LAG3: variants seen among roughly 807,000 people sequenced by gnomAD.
LAG3 encodes the protein lymphocyte activating 3, also known as lymphocyte activation gene 3 protein.
In LAG3, 29 loss-of-function variants were observed where a neutral mutation model predicts 49.0. That is an observed-to-expected ratio of 0.59 (90% CI 0.44 to 0.81). The LOEUF is 0.81. LAG3 is among the 30% of genes least tolerant of loss of function. The probability of loss-of-function intolerance (pLI) is 0.00; values close to 1 mark genes in which losing one functional copy is unlikely to be tolerated. For synonymous variants in LAG3, 320 were observed against 297.3 expected (o/e 1.08, Z -0.79); for missense variants, 693 against 695.2 (o/e 1.00, Z 0.04).
chr12:6,777,944 C>T (rs765374098), intron 7 of LAG3, 23 bp downstream of exon 7: 1 of 1,611,538 alleles, frequency 6.2e-7, no homozygotes, highest in African/African-American at 1.3e-5. Flanking sequence ...CATGGCAACC[C>T]CGCCCCCCAG....
rs758807510 is a variant in LAG3, at chr12:6,774,704, C to T, written c.621C>T (p.Gly207=). The change falls in exon 4 of 8, where the codon GGC becomes GGT. Residue 207 remains glycine (G), a synonymous_variant. Transcript: ENST00000203629. The part of the protein sequence containing the change: ...PASVHWFRNR[G]QGRVPVRESP... ...CTGTGCATTGGTTCCGGAACCGGGG[C>T]CAGGGCCGAGTCCCTGTCCGGGAGT... 27 of 1,614,072 alleles carry T rather than the reference C, an allele frequency of 1.7e-5. No homozygotes were observed. Among genetic ancestry groups the T allele is most frequent in the Non-Finnish European group, 8.5e-6 (10 of 1,180,032 alleles).
At position 6,772,811 on chromosome 12, in the gene LAG3, C is replaced by G. The variant is rs764979142; in HGVS notation, c.-42C>G. On this transcript the variant is annotated 5_prime_UTR_variant, in exon 1 of 8. Transcript: ENST00000203629. ...ACCACTGCCCCCTTTCCTTTTCTGA[C>G]CTCCTTTTGGAGGGCTCAGCGCTGC... 6.2e-6 allele frequency: 8 copies of G among 1,298,116 alleles called. No homozygotes were observed. The highest frequency in any genetic ancestry group is 1.1e-6 in the Non-Finnish European group (1 of 940,046). The allele number at this position is 1,298,116 out of a possible 1,614,324, so 80.4% of individuals were successfully genotyped here. A position where few individuals can be genotyped will look rare whatever the true frequency, so the allele number is the denominator to read the frequency against.
rs745318168 is a variant in LAG3 at position 6,773,283 on chromosome 12, C to G, written c.150C>G (p.Leu50=). The G allele has an allele frequency of 2.5e-6, 4 of 1,613,860 alleles. No homozygotes were observed. Among genetic ancestry groups the G allele is most frequent in the South Asian group, 2.2e-5 (2 of 91,082 alleles). The change falls in exon 2 of 8, where the codon CTC becomes CTG. Residue 50 remains leucine (L), a synonymous_variant. Coordinates refer to ENST00000203629, the MANE Select transcript of LAG3 (RefSeq NM_002286.6). This position sits in a 1 kb window ranked among gnomAD's most constrained non-coding sequence, Gnocchi z 5.5. The part of the protein sequence containing the change: ...AQLPCSPTIP[L]QDLSLLRRAG... ...TCCCCTGCAGCCCCACAATCCCCCT[C>G]CAGGATCTCAGCCTTCTGCGAAGAG... is the stretch of plus-strand genomic sequence containing the variant.
chr12:6,777,905 A>G lies in LAG3; in HGVS notation c.1415A>G (p.His472Arg), dbSNP rs746353473. ...LLLVTGAFGF[H>R]LWRRQWRPRR... ...TTGGTGACTGGAGCCTTTGGCTTTC[A>G]CCTTTGGAGAAGACAGGTGAGCCAG... The change falls in exon 7 of 8, where the codon CAC becomes CGC. Residue 472 changes from histidine to arginine, a missense_variant. By Grantham distance (29) the His-to-Arg change is conservative. Coordinates refer to ENST00000203629, the MANE Select transcript of LAG3 (RefSeq NM_002286.6). 3.1e-6 allele frequency: 5 copies of G among 1,613,076 alleles called. No individual in the cohort carries two copies. The Admixed American group carries it at 6.7e-5, about 22-fold the overall frequency.
Position 6,775,216 on chromosome 12 carries a change from G to T in LAG3, c.782-57G>T, listed in dbSNP as rs536759411. 30 of 1,555,360 alleles carry T rather than the reference G, an allele frequency of 1.9e-5. No homozygotes were observed. In the South Asian group the frequency reaches 2.9e-4, roughly 15 times the overall value. On this transcript the variant is annotated intron_variant, in intron 4 of 7. Transcript: ENST00000203629. ...TCTGCCTCCCTTCCTTGCAGCCCCAGCACTCCCTCCCCACTGCAGCACCCA... is the reference window on the plus strand; with the variant it reads ...TCTGCCTCCCTTCCTTGCAGCCCCATCACTCCCTCCCCACTGCAGCACCCA...
chr12:6,774,571 G>C (rs1171357448), intron 3 of LAG3, 24 bp from the exon 4 acceptor site: 25 of 1,599,498 alleles, frequency 1.6e-5, no homozygotes, highest in Non-Finnish European at 2.1e-5. Context: ...GTGGGCTGAT[G>C]AAGTCTTCTT....
chr12:6,777,118 C>T (rs1304878007), intron 5 of LAG3, 146 bp from the exon 6 acceptor site: 5 of 765,778 alleles, frequency 6.5e-6, no homozygotes, highest in African/African-American at 3.5e-5. Context: ...AAAAGATGAA[C>T]GTGGCCATGA....
At chr12:6,777,951 C>A in intron 7 of LAG3, 30 bp downstream of exon 7, 1 of 1,610,792 alleles carries the variant, frequency 6.2e-7, no homozygotes, top group Non-Finnish European at 8.5e-7. Context: ...ACCCCGCCCC[C>A]CAGCAGCTCC....
Position 6,773,964 on chromosome 12 carries a change from C to T in LAG3, c.474C>T (p.Leu158=). The change falls in exon 3 of 8, where the codon CTC becomes CTT. Residue 158 remains leucine, a synonymous_variant. Transcript: ENST00000203629. The surrounding 1 kb of genome is among the most constrained non-coding windows in gnomAD (Gnocchi z 5.5). ...RAAVHLRDRA[L]SCRLRLRLGQ... is the part of the protein sequence containing the mutation. ...CGGTGCACCTCAGGGACCGCGCCCT[C>T]TCCTGCCGCCTCCGTCTGCGCCTGG... 1 of 1,440,488 alleles carries T rather than the reference C, an allele frequency of 6.9e-7. No individual in the cohort carries two copies. Among genetic ancestry groups the T allele is most frequent in the Non-Finnish European group, 9.0e-7 (1 of 1,105,674 alleles). 89.2% of individuals were successfully genotyped at this position (1,440,488 alleles called of 1,614,324 possible). A position where few individuals can be genotyped will look rare whatever the true frequency, so the allele number is the denominator to read the frequency against.
At position 6,773,423 on chromosome 12, in the gene LAG3, G is replaced by A. The variant is rs779611602; in HGVS notation, c.206+84G>A. On this transcript the variant is annotated intron_variant, in intron 2 of 7. Coordinates refer to ENST00000203629, the MANE Select transcript of LAG3 (RefSeq NM_002286.6). The surrounding 1 kb of genome is among the most constrained non-coding windows in gnomAD (Gnocchi z 5.5). ...GTGCCGGTCCTCTGTCCCCTGCCCTGAGGTGTCACTCCCTCTGAAGCCAGT... is the reference window on the plus strand; with the variant it reads ...GTGCCGGTCCTCTGTCCCCTGCCCTAAGGTGTCACTCCCTCTGAAGCCAGT... 3.3e-5 allele frequency: 49 copies of A among 1,505,020 alleles called. No homozygotes were observed. The highest frequency in any genetic ancestry group is 4.4e-5 in the Non-Finnish European group (49 of 1,104,122). 93.2% of individuals were successfully genotyped at this position (1,505,020 alleles called of 1,614,324 possible).
At chr12:6,772,944 G>GC (rs1384779159) in intron 1 of LAG3, 34 bp downstream of exon 1, 5 of 1,607,544 alleles carry the variant, frequency 3.1e-6, no homozygotes, top group Non-Finnish European at 4.3e-6. Context: ...TTGACCTCCA[G>GC]CCCCACAGGA....
Position 6,778,428 on chromosome 12 carries a change from G to A in LAG3, c.*38G>A, listed in dbSNP as rs1433186590. ...GCAGCCAGCAGATCTCAGCAGCCCA[G>A]TCCAAATAAACTCCCTGTCAGCAGC... On this transcript the variant is annotated 3_prime_UTR_variant, in exon 8 of 8. Coordinates refer to ENST00000203629, the MANE Select transcript of LAG3 (RefSeq NM_002286.6). 2 of 1,594,642 alleles carry A rather than the reference G, an allele frequency of 1.3e-6. No individual in the cohort carries two copies. The highest frequency in any genetic ancestry group is 1.7e-6 in the Non-Finnish European group (2 of 1,175,852).
chr12:6,774,490 G>C, intron 3 of LAG3, 105 bp from the exon 4 acceptor site: 1 of 1,320,460 alleles, frequency 7.6e-7, no homozygotes, highest in South Asian at 1.4e-5. Flanking sequence ...GAGAAGACAA[G>C]TCTAAAGCCA....
rs775627416 is a variant in LAG3 at position 6,773,723 on chromosome 12, A to C, written c.233A>C (p.His78Pro). The stretch of plus-strand genomic sequence containing the variant: ...GGCCCGCCCGCTGCCGCCCCCGGCC[A>C]TCCCCTGGCCCCCGGCCCTCACCCG... ...DSGPPAAAPG[H>P]PLAPGPHPAA... The change falls in exon 3 of 8, where the codon CAT becomes CCT. Residue 78 changes from histidine (H) to proline (P), a missense_variant. Physicochemically the swap from His to Pro is moderately conservative, Grantham distance 77. Transcript: ENST00000203629. This position sits in a 1 kb window ranked among gnomAD's most constrained non-coding sequence, Gnocchi z 5.5. 2.2e-6 allele frequency: 3 copies of C among 1,345,560 alleles called. No homozygotes were observed. Among genetic ancestry groups the C allele is most frequent in the Non-Finnish European group, 2.8e-6 (3 of 1,055,248 alleles). The allele number at this position is 1,345,560 out of a possible 1,614,324, so 83.4% of individuals were successfully genotyped here.
chr12:6,772,794 C>G lies in LAG3; in HGVS notation c.-59C>G, dbSNP rs1410836981. 2.1e-6 allele frequency: 3 copies of G among 1,397,198 alleles called. No homozygotes were observed. Among genetic ancestry groups the G allele is most frequent in the Non-Finnish European group, 3.0e-6 (3 of 994,016 alleles). The allele number at this position is 1,397,198 out of a possible 1,614,324, so 86.6% of individuals were successfully genotyped here. On this transcript the variant is annotated 5_prime_UTR_variant, in exon 1 of 8. Coordinates refer to ENST00000203629, the MANE Select transcript of LAG3 (RefSeq NM_002286.6). ...TTTACCCCCCACCCCCCACCACTGCCCCCTTTCCTTTTCTGACCTCCTTTT... is the reference window on the plus strand; with the variant it reads ...TTTACCCCCCACCCCCCACCACTGCGCCCTTTCCTTTTCTGACCTCCTTTT...
chr12:6,777,171 T>G, intron 5 of LAG3, 93 bp from the exon 6 acceptor site: 20 of 1,474,096 alleles, frequency 1.4e-5, no homozygotes, highest in East Asian at 2.3e-5. Flanking sequence ...AGAACCCAAG[T>G]GAGTGCAGGG....
rs550592631 is a variant in LAG3 at position 6,774,261 on chromosome 12, A to AG, written c.511+267dup. Among the ~76,000 whole-genome samples the AG allele has an allele frequency of 9.9e-5, 15 of 151,152 alleles. No individual in the cohort carries two copies. The East Asian group carries it at 1.6e-3, about 16-fold the overall frequency. ...CGCGGGAGTGCCCAGAGGGAGGGGGAGGGGGGGAGAGCATGGGGCTAAAGT... is the reference window on the plus strand; with the variant it reads ...CGCGGGAGTGCCCAGAGGGAGGGGGAGGGGGGGGAGAGCATGGGGCTAAAGT... On this transcript the variant is annotated intron_variant, in intron 3 of 7. Coordinates refer to ENST00000203629, the MANE Select transcript of LAG3 (RefSeq NM_002286.6).
intron 4 of LAG3, 96 bp from the exon 5 acceptor site, chr12:6,775,177 A>G: frequency 1.5e-6 from 2 of 1,322,650 alleles, no homozygotes; most frequent in South Asian, 1.4e-5. Context: ...GAGCCAGACC[A>G]TCTCCTGAAT....
At chr12:6,777,673 G>A (rs1311994003) in intron 6 of LAG3, 118 bp from the exon 7 acceptor site, 5 of 1,454,962 alleles carry the variant, frequency 3.4e-6, no homozygotes, top group Non-Finnish European at 3.8e-6. Context: ...TCAGCTGAAT[G>A]ACCCTGGGAC....
Sources: gnomAD v4.1 joint callset for allele counts (sites outside exome capture counted in the v4.1 genomes callset) on GRCh38, gnomAD v4.1.1 for gene constraint, Gnocchi (gnomAD v3.1) non-coding constraint, MANE v1.5 for transcripts, NCBI Gene and HGNC (gene_info 2026-07-23, HGNC 2026-07-21) for gene names.